The following MGAT4C variants were observed in gnomAD, a reference collection of about 807,000 sequenced individuals.
MGAT4C encodes MGAT4 family member C.
Under a neutral mutation model 40.1 loss-of-function variants are expected in MGAT4C, and 19 were observed. The ratio of observed to expected loss-of-function variants is 0.47; its 90% CI spans 0.33 to 0.70. The LOEUF (loss-of-function observed/expected upper bound fraction) is 0.70, where lower values mean the gene tolerates loss of function less well. MGAT4C is among the 30% of genes least tolerant of loss of function. MGAT4C has a pLI of 0.02. For synonymous variants in MGAT4C, 181 were observed against 187.1 expected (o/e 0.97, Z 0.27); for missense variants, 491 against 563.2 (o/e 0.87, Z 1.30).
At chr12:86,699,074 C>T (rs1394465671) in intron 2 of MGAT4C, among the ~76,000 whole-genome samples, 2 of 152,112 alleles carry the variant, frequency 1.3e-5, no homozygotes, top group Non-Finnish European at 2.9e-5. Context: ...AAATTCTAAT[C>T]ATTCTTCATC....
At chr12:86,769,834 G>C (rs911551968) in intron 1 of MGAT4C, among the ~76,000 whole-genome samples, 11 of 152,096 alleles carry the variant, frequency 7.2e-5, no homozygotes, top group Admixed American at 5.9e-4. Flanking sequence ...ATGGACACAG[G>C]AAGGGGAACA....
intron 2 of MGAT4C, among the ~76,000 whole-genome samples, chr12:86,609,939 A>C (rs1424246216): frequency 1.3e-5 from 2 of 152,172 alleles, no homozygotes; most frequent in Non-Finnish European, 2.9e-5. Context: ...ATGATTTTAT[A>C]GTTCATCACA....
chr12:86,734,193 G>A (rs1166316606), intron 1 of MGAT4C, among the ~76,000 whole-genome samples: 1 of 152,072 alleles, frequency 6.6e-6, no homozygotes, highest in Non-Finnish European at 1.5e-5. Context: ...TATGAAGGGA[G>A]ATTGAAATAA....
chr12:86,244,770 G>A (rs376935710), intron 1 of MGAT4C, among the ~76,000 whole-genome samples: 23 of 152,282 alleles, frequency 1.5e-4, no homozygotes, highest in African/African-American at 4.6e-4. Flanking sequence ...CACCAGTAAC[G>A]ATGAAAAGGA....
rs1464862645 is a variant in MGAT4C at position 86,358,068 on chromosome 12, G to T, written c.-119-23941C>A. On this transcript the variant is annotated intron_variant, in intron 3 of 7. Transcript: ENST00000548651. ...TGAAATGAAGGAAAAAATGTTAAGG[G>T]CAGCCAGAGAGAAAGGTCAGGTTAC... 2.6e-5 allele frequency among the ~76,000 whole-genome samples: 4 copies of T among 152,128 alleles called. No individual in the cohort carries two copies. In the East Asian group the frequency reaches 7.7e-4, roughly 29 times the overall value.
At position 86,049,592 on chromosome 12, in the gene MGAT4C, T is replaced by C. The variant is rs541138231; in HGVS notation, c.-7+82A>G. 3.2e-5 allele frequency: 23 copies of C among 707,930 alleles called. 1 individual carries two copies. The South Asian group carries it at 1.3e-3, about 41-fold the overall frequency. The allele number at this position is 707,930 out of a possible 1,614,324, so 43.9% of individuals were successfully genotyped here. A position where few individuals can be genotyped will look rare whatever the true frequency, so the allele number is the denominator to read the frequency against. On this transcript the variant is annotated intron_variant, in intron 2 of 4. Transcript: ENST00000611864. ...GGCATGTGTAGCTACTCCAGGACAATTTTACTTATTAAATATTTTTGATAA... is the reference window on the plus strand; with the variant it reads ...GGCATGTGTAGCTACTCCAGGACAACTTTACTTATTAAATATTTTTGATAA...
intron 1 of MGAT4C, among the ~76,000 whole-genome samples, chr12:86,064,721 G>T (rs1894356975): frequency 6.6e-6 from 1 of 152,056 alleles, no homozygotes; most frequent in Admixed American, 6.6e-5. Flanking sequence ...GATCAGAGCA[G>T]AACTGAAGGA....
intron 1 of MGAT4C, among the ~76,000 whole-genome samples, chr12:86,065,027 C>T (rs1258879715): frequency 1.3e-5 from 2 of 152,020 alleles, no homozygotes; most frequent in African/African-American, 4.8e-5. Context: ...GTTGCATCCC[C>T]GAATAGACCA....
At chr12:86,646,816 T>C (rs1963553884) in intron 2 of MGAT4C, among the ~76,000 whole-genome samples, 1 of 151,958 alleles carries the variant, frequency 6.6e-6, no homozygotes, top group South Asian at 2.1e-4. Flanking sequence ...TTTTATTTTA[T>C]TTTAACTGAC....
Position 86,203,340 on chromosome 12 carries a change from G to A in MGAT4C, c.-57+52899C>T, listed in dbSNP as rs188723718. Among the ~76,000 whole-genome samples the A allele has an allele frequency of 3.9e-5, 6 of 152,176 alleles. No individual in the cohort carries two copies. The East Asian group carries it at 1.2e-3, about 30-fold the overall frequency. ...CTAGAACTCTAATGGCTCCAGTACT[G>A]TATGACCTCTTATAGTTTCCAGTCG... On this transcript the variant is annotated intron_variant, in intron 1 of 4. Coordinates refer to ENST00000611864, the MANE Select transcript of MGAT4C (RefSeq NM_001351288.2).
At chr12:85,989,352 G>T (rs1159546041) in intron 3 of MGAT4C, 48 bp downstream of exon 3, 25 of 1,493,800 alleles carry the variant, frequency 1.7e-5, no homozygotes, top group Non-Finnish European at 2.2e-5. Flanking sequence ...ATTCTTGTTT[G>T]ACTTATGCCT....
At chr12:86,278,104 T>A (rs1953121858) in intron 4 of MGAT4C, among the ~76,000 whole-genome samples, 1 of 152,036 alleles carries the variant, frequency 6.6e-6, no homozygotes, top group South Asian at 2.1e-4. Context: ...AGAGATTTTT[T>A]TCACTTCTTT....
intron 2 of MGAT4C, among the ~76,000 whole-genome samples, chr12:85,999,096 C>A (rs1339541134): frequency 3.9e-5 from 6 of 152,228 alleles, no homozygotes; most frequent in Non-Finnish European, 5.9e-5. Context: ...TGGCAACAGG[C>A]AAAGAGAGCT....
intron 2 of MGAT4C, among the ~76,000 whole-genome samples, chr12:86,634,809 C>A (rs1335183040): frequency 6.6e-6 from 1 of 152,070 alleles, no homozygotes; most frequent in East Asian, 1.9e-4. Flanking sequence ...AAAATAGTCA[C>A]GACAGTGATT....
chr12:86,464,109 T>G lies in MGAT4C; in HGVS notation c.-228-28844A>C, dbSNP rs73387870. On this transcript the variant is annotated intron_variant, in intron 2 of 7. Coordinates refer to the MGAT4C transcript ENST00000548651. ...TCTAGTTTCTTCACAGGTACTGCCA[T>G]ACTGTAAGATAGTACTTCGTGAGGA... Among the ~76,000 whole-genome samples, 1,505 of 152,286 alleles carry G rather than the reference T, an allele frequency of 9.9e-3. 33 individuals are homozygous for G. Among genetic ancestry groups the G allele is most frequent in the African/African-American group, 0.035 (1,445 of 41,564 alleles).
chr12:86,829,115 C>G (rs942142232), intron 1 of MGAT4C, among the ~76,000 whole-genome samples: 9 of 151,324 alleles, frequency 5.9e-5, no homozygotes, highest in African/African-American at 2.2e-4. Context: ...AATTTCATAG[C>G]AAAACACAAA....
chr12:86,127,801 C>T (rs548294365), intron 1 of MGAT4C, among the ~76,000 whole-genome samples: 2 of 152,288 alleles, frequency 1.3e-5, no homozygotes, highest in Non-Finnish European at 1.5e-5. Flanking sequence ...TCCAGCTCCA[C>T]ATCTTGTCCC....
intron 2 of MGAT4C, among the ~76,000 whole-genome samples, chr12:86,479,865 G>T (rs960955163): frequency 2.6e-5 from 4 of 151,722 alleles, no homozygotes; most frequent in Admixed American, 6.6e-5. Flanking sequence ...GACTAGAATA[G>T]AAAACTGATC....
chr12:86,197,725 G>A (rs1487172794), intron 1 of MGAT4C, among the ~76,000 whole-genome samples: 1 of 152,192 alleles, frequency 6.6e-6, no homozygotes. Flanking sequence ...TATATAGAGA[G>A]ATGATAGCAC....
Sources: gnomAD v4.1 joint callset for allele counts (sites outside exome capture counted in the v4.1 genomes callset) on GRCh38, gnomAD v4.1.1 for gene constraint, MANE v1.5 for transcripts, NCBI Gene and HGNC (gene_info 2026-07-23, HGNC 2026-07-21) for gene names.